IGFBP7: variants seen among roughly 807,000 people sequenced by gnomAD.
IGFBP7 encodes insulin like growth factor binding protein 7, also known as insulin-like growth factor-binding protein 7.
A neutral mutation model predicts 29.4 loss-of-function variants in IGFBP7; 31 were observed. The ratio of observed to expected loss-of-function variants is 1.05; its 90% CI spans 0.79 to 1.42. The LOEUF is 1.42. IGFBP7 is among the 40% of genes most tolerant of loss of function. The pLI is 0.00. For synonymous variants in IGFBP7, 172 were observed against 174.9 expected (o/e 0.98, Z 0.13); for missense variants, 393 against 395.5 (o/e 0.99, Z 0.05).
At chr4:57,070,076 G>A (rs1213539509) in intron 1 of IGFBP7, among the ~76,000 whole-genome samples, 2 of 152,098 alleles carry the variant, frequency 1.3e-5, no homozygotes, top group African/African-American at 4.8e-5. Context: ...GTGAGATCCT[G>A]TCTCAAAAAA....
chr4:57,074,084 A>G (rs142208821), intron 1 of IGFBP7, among the ~76,000 whole-genome samples: 1 of 151,466 alleles, frequency 6.6e-6, no homozygotes, highest in Non-Finnish European at 1.5e-5. Context: ...CTTTTGAGAC[A>G]CAGTCTCGCT....
In IGFBP7 at chr4:57,109,903, T is replaced by C. The variant is rs746848854; in HGVS notation, c.449A>G (p.Gln150Arg). ...TTGCTCGCAGGTGCCCTTGCTGACCTGGGTGATGGCCTTCTCCCCGCGGCT... is the reference window on the plus strand; with the variant it reads ...TTGCTCGCAGGTGCCCTTGCTGACCCGGGTGATGGCCTTCTCCCCGCGGCT... ...AESRGEKAITQVSKGTCEQGP... is the reference protein window; with the variant it reads ...AESRGEKAITRVSKGTCEQGP... The change falls in exon 1 of 5, where the codon CAG becomes CGG. Residue 150 changes from glutamine to arginine, a missense_variant. Transcript: ENST00000295666. The C allele has an allele frequency of 3.2e-6, 5 of 1,555,298 alleles. No homozygotes were observed. In the South Asian group the frequency reaches 4.7e-5, roughly 15 times the overall value.
chr4:57,083,476 C>T (rs1031530369), intron 1 of IGFBP7, among the ~76,000 whole-genome samples: 2 of 152,222 alleles, frequency 1.3e-5, no homozygotes, highest in African/African-American at 2.4e-5. Flanking sequence ...TATTACTTTT[C>T]TCTTTTTCCT....
intron 1 of IGFBP7, among the ~76,000 whole-genome samples, chr4:57,081,646 C>G (rs1280092613): frequency 6.6e-6 from 1 of 151,978 alleles, no homozygotes; most frequent in Non-Finnish European, 1.5e-5. Flanking sequence ...CAAACACAAG[C>G]AGAAGCTGAG....
chr4:57,093,241 C>T (rs1725680745), intron 1 of IGFBP7, among the ~76,000 whole-genome samples: 1 of 152,232 alleles, frequency 6.6e-6, no homozygotes, highest in Non-Finnish European at 1.5e-5. Flanking sequence ...TGGCTCACGC[C>T]TATAATCCCA....
intron 1 of IGFBP7, among the ~76,000 whole-genome samples, chr4:57,088,499 G>C (rs762384438): frequency 6.6e-6 from 1 of 151,990 alleles, no homozygotes; most frequent in Non-Finnish European, 1.5e-5. Context: ...CCCATCTCTA[G>C]TTATCCCTCC....
intron 1 of IGFBP7, among the ~76,000 whole-genome samples, chr4:57,056,360 G>A (rs556508914): frequency 1.2e-4 from 19 of 152,248 alleles, no homozygotes; most frequent in Non-Finnish European, 2.6e-4. Flanking sequence ...CGCTAGTGTA[G>A]GGCTAGTTCT....
chr4:57,086,725 C>G (rs2109791096), intron 1 of IGFBP7, among the ~76,000 whole-genome samples: 2 of 152,146 alleles, frequency 1.3e-5, no homozygotes, highest in Middle Eastern at 6.8e-3. Flanking sequence ...ACAAATTTTA[C>G]CATCTTATTT....
At chr4:57,058,427 G>C (rs1724723382) in intron 1 of IGFBP7, among the ~76,000 whole-genome samples, 1 of 152,082 alleles carries the variant, frequency 6.6e-6, no homozygotes, top group Non-Finnish European at 1.5e-5. Flanking sequence ...GGAATAGAGA[G>C]CCCAGAAATA....
At chr4:57,049,592 A>C (rs1238046289) in intron 1 of IGFBP7, among the ~76,000 whole-genome samples, 1 of 151,910 alleles carries the variant, frequency 6.6e-6, no homozygotes, top group African/African-American at 2.4e-5. Context: ...TCTCTTTGAC[A>C]TTTTTTGCGG....
At chr4:57,035,368 AAAG>A (rs1279426307) in intron 2 of IGFBP7, among the ~76,000 whole-genome samples, 1 of 152,244 alleles carries the variant, frequency 6.6e-6, no homozygotes, top group Admixed American at 6.5e-5. Flanking sequence ...AACATAGAAA[AAAG>A]TGCCAAGAAT....
chr4:57,035,667 G>A (rs1417285814), intron 2 of IGFBP7, among the ~76,000 whole-genome samples: 1 of 152,138 alleles, frequency 6.6e-6, no homozygotes, highest in Non-Finnish European at 1.5e-5. Flanking sequence ...TGCCATATTG[G>A]CCAGGGTGGT....
chr4:57,055,332 T>C (rs1724631462), intron 1 of IGFBP7, among the ~76,000 whole-genome samples: 2 of 152,140 alleles, frequency 1.3e-5, no homozygotes, highest in Admixed American at 1.3e-4. Flanking sequence ...GCGTGGAGTC[T>C]GGTACAGGTA....
rs1726133716 is a variant in IGFBP7 at position 57,109,889 on chromosome 4, T to C, written c.463A>G (p.Thr155Ala). 6.5e-7 allele frequency: 1 copy of C among 1,548,484 alleles called. No individual in the cohort carries two copies. Among genetic ancestry groups the C allele is most frequent in the African/African-American group, 1.4e-5 (1 of 73,706 alleles). ...EKAITQVSKG[T>A]CEQGPSIVTP... Reference sequence around the variant, plus strand: ...CGCTCGTGCCCACCTTGCTCGCAGGTGCCCTTGCTGACCTGGGTGATGGCC... The same window carrying C: ...CGCTCGTGCCCACCTTGCTCGCAGGCGCCCTTGCTGACCTGGGTGATGGCC... The change falls in exon 1 of 5, where the codon ACC becomes GCC. Residue 155 changes from threonine (T) to alanine (A), a missense_variant. Transcript: ENST00000295666.
At chr4:57,091,051 C>T (rs892009597) in intron 1 of IGFBP7, among the ~76,000 whole-genome samples, 3 of 152,154 alleles carry the variant, frequency 2.0e-5, no homozygotes, top group African/African-American at 7.2e-5. Context: ...ATAATTTTAT[C>T]ATGCTATGTT....
At chr4:57,073,016 C>A in intron 1 of IGFBP7, 1 of 1,096,956 alleles carries the variant, frequency 9.1e-7, no homozygotes. Flanking sequence ...TCGAGGCAAA[C>A]CCAACATTGA....
intron 1 of IGFBP7, among the ~76,000 whole-genome samples, chr4:57,062,245 A>G (rs764857912): frequency 1.3e-5 from 2 of 152,212 alleles, no homozygotes; most frequent in Non-Finnish European, 2.9e-5. Context: ...TTTGCGGAGA[A>G]GAAAACAGAA....
At chr4:57,055,250 A>G (rs1359800281) in intron 1 of IGFBP7, among the ~76,000 whole-genome samples, 1 of 152,162 alleles carries the variant, frequency 6.6e-6, no homozygotes, top group Non-Finnish European at 1.5e-5. Flanking sequence ...CTGGCTGCAC[A>G]CTGGACTCAT....
intron 1 of IGFBP7, among the ~76,000 whole-genome samples, chr4:57,065,163 G>A (rs1724888319): frequency 6.6e-6 from 1 of 152,306 alleles, no homozygotes; most frequent in South Asian, 2.1e-4. Context: ...ATGTGGCCTC[G>A]GCCCACGCCA....
Sources: gnomAD v4.1 joint callset for allele counts (sites outside exome capture counted in the v4.1 genomes callset) on GRCh38, gnomAD v4.1.1 for gene constraint, MANE v1.5 for transcripts, NCBI Gene and HGNC (gene_info 2026-07-23, HGNC 2026-07-21) for gene names.